Variants in COL5A1 observed in about 807,000 individuals in gnomAD.
COL5A1 encodes collagen alpha-1(V) chain.
A neutral mutation model predicts 263.7 loss-of-function variants in COL5A1; 16 were observed. The observed-to-expected ratio is 0.06, with a 90% confidence interval of 0.04 to 0.09. The LOEUF (loss-of-function observed/expected upper bound fraction) is 0.09. Ranked by LOEUF, COL5A1 falls within the 10% of genes least tolerant of loss-of-function variation. COL5A1 has a pLI of 1.00. For missense variants in COL5A1, 2,036 were observed against 2,540.5 expected (o/e 0.80, Z 4.27); for synonymous variants, 1,012 against 1,004.5 (o/e 1.01, Z -0.14).
At chr9:134,651,722 G>A (rs1189751196) in intron 1 of COL5A1, among the ~76,000 whole-genome samples, 2 of 152,220 alleles carry the variant, frequency 1.3e-5, no homozygotes, top group African/African-American at 4.8e-5. Context: ...TGCACAGTGG[G>A]TGGGTGCAGG....
rs968147154 is a variant in COL5A1, at chr9:134,765,050, A to T, written c.2035-631A>T. 2.6e-5 allele frequency among the ~76,000 whole-genome samples: 4 copies of T among 151,592 alleles called. No individual in the cohort carries two copies. ...TGGCAGGCAGTTCTCCCGGAATCTC[A>T]CTCCACCTGCGGTAAAGGGGAGGTT... On this transcript the variant is annotated intron_variant, in intron 20 of 65. Transcript: ENST00000371817. The surrounding 1 kb of genome is among the most constrained non-coding windows in gnomAD (Gnocchi z 5.1).
chr9:134,719,943 G>T (rs1324657296), intron 4 of COL5A1, among the ~76,000 whole-genome samples: 1 of 152,178 alleles, frequency 6.6e-6, no homozygotes, highest in Non-Finnish European at 1.5e-5. Context: ...CCTTGCGCTT[G>T]TGTGCCAGGG....
Position 134,821,194 on chromosome 9 carries a change from A to G in COL5A1, c.4555-903A>G, listed in dbSNP as rs917627527. 1.3e-5 allele frequency among the ~76,000 whole-genome samples: 2 copies of G among 151,840 alleles called. No individual in the cohort carries two copies. Among genetic ancestry groups the G allele is most frequent in the Non-Finnish European group, 2.9e-5 (2 of 67,952 alleles). On this transcript the variant is annotated intron_variant, in intron 58 of 65. Transcript: ENST00000371817. This position sits in a 1 kb window ranked among gnomAD's most constrained non-coding sequence, Gnocchi z 4.2. ...GGCCCGGCAACCACGAGAATTAGAG[A>G]GGCATCCAGGGTCCCCACGGCCAGC...
intron 18 of COL5A1, among the ~76,000 whole-genome samples, chr9:134,761,025 C>A (rs554184474): frequency 2.0e-5 from 3 of 150,598 alleles, no homozygotes; most frequent in Admixed American, 6.6e-5. Flanking sequence ...CACGCATACA[C>A]ACGTGCACAG....
intron 11 of COL5A1, among the ~76,000 whole-genome samples, chr9:134,743,878 A>G (rs1269069892): frequency 6.6e-6 from 1 of 152,164 alleles, no homozygotes; most frequent in Non-Finnish European, 1.5e-5. Context: ...GAAAAACAGC[A>G]GTCACTACCT....
chr9:134,706,139 A>T (rs1369287208), intron 4 of COL5A1, among the ~76,000 whole-genome samples: 1 of 152,166 alleles, frequency 6.6e-6, no homozygotes, highest in African/African-American at 2.4e-5. Context: ...GCCTGTTCCC[A>T]GGGCGAGTAT....
intron 4 of COL5A1, among the ~76,000 whole-genome samples, chr9:134,701,796 C>T (rs1833685598): frequency 6.6e-6 from 1 of 152,228 alleles, no homozygotes; most frequent in Non-Finnish European, 1.5e-5. Flanking sequence ...CTCGGGCTGG[C>T]CTCACTCCAG....
intron 1 of COL5A1, among the ~76,000 whole-genome samples, chr9:134,687,811 GT>G (rs1833131577): frequency 1.3e-5 from 2 of 152,184 alleles, no homozygotes; most frequent in Non-Finnish European, 2.9e-5. Flanking sequence ...AGGGGCTCTT[GT>G]TTGTTGAGCC....
At chr9:134,774,140 G>C (rs1335770997) in intron 26 of COL5A1, among the ~76,000 whole-genome samples, 1 of 152,242 alleles carries the variant, frequency 6.6e-6, no homozygotes, top group South Asian at 2.1e-4. Flanking sequence ...CTTACTCCCT[G>C]GGACTTCCTG....
At chr9:134,762,116 G>T in intron 19 of COL5A1, 138 bp downstream of exon 19, 1 of 857,530 alleles carries the variant, frequency 1.2e-6, no homozygotes, top group South Asian at 1.4e-5. Context: ...AAGGCAGATG[G>T]GGATTCCAGT....
intron 25 of COL5A1, among the ~76,000 whole-genome samples, chr9:134,769,476 A>G (rs1282019358): frequency 6.6e-6 from 1 of 152,256 alleles, no homozygotes; most frequent in Admixed American, 6.5e-5. Flanking sequence ...TCTAATGATC[A>G]GAACAGCACA....
chr9:134,814,327 C>A (rs544156843), intron 49 of COL5A1, among the ~76,000 whole-genome samples: 1 of 152,188 alleles, frequency 6.6e-6, no homozygotes. Flanking sequence ...TCACCTCGTC[C>A]CCCCGGACCT....
rs947126701 is a variant in COL5A1, at chr9:134,647,826, C to G, written c.109+5530C>G. ...TTGACTCGTCTGCTCTCTCTCAGTG[C>G]TTTGCCAAGTGTCGGTTTTAAAGTT... On this transcript the variant is annotated intron_variant, in intron 1 of 65. Transcript: ENST00000371817. The surrounding 1 kb of genome is among the most constrained non-coding windows in gnomAD (Gnocchi z 5.0). Among the ~76,000 whole-genome samples the G allele has an allele frequency of 6.6e-6, 1 of 152,216 alleles. No homozygotes were observed. The highest frequency in any genetic ancestry group is 2.4e-5 in the African/African-American group (1 of 41,458).
At chr9:134,649,464 A>G (rs373652363) in intron 1 of COL5A1, 65 of 470,020 alleles carry the variant, frequency 1.4e-4, no homozygotes, top group African/African-American at 1.0e-3. Context: ...TGCCCATGAA[A>G]TGGAAGCTTC....
At chr9:134,829,824 C>A in intron 63 of COL5A1, 152 bp from the exon 64 acceptor site, 1 of 820,498 alleles carries the variant, frequency 1.2e-6, no homozygotes, top group Non-Finnish European at 2.0e-6. Flanking sequence ...TCAGGCTGCA[C>A]TGAAGGCGCT....
chr9:134,717,372 C>A (rs575972861), intron 4 of COL5A1, among the ~76,000 whole-genome samples: 3 of 152,336 alleles, frequency 2.0e-5, no homozygotes, highest in Admixed American at 2.0e-4. Context: ...CTCCACCCTC[C>A]CAGCAGCCTC....
At chr9:134,769,352 C>T (rs887371625) in intron 25 of COL5A1, among the ~76,000 whole-genome samples, 7 of 152,206 alleles carry the variant, frequency 4.6e-5, no homozygotes, top group Admixed American at 2.0e-4. Context: ...CATCCCCACG[C>T]GCGCAGCTGT....
intron 1 of COL5A1, among the ~76,000 whole-genome samples, chr9:134,644,736 C>G (rs1404635322): frequency 6.6e-6 from 1 of 152,264 alleles, no homozygotes; most frequent in East Asian, 1.9e-4. Flanking sequence ...GCATTTGGGG[C>G]TGCTGAACAG....
intron 53 of COL5A1, 89 bp from the exon 54 acceptor site, chr9:134,817,689 A>G: frequency 1.7e-6 from 2 of 1,203,642 alleles, no homozygotes; most frequent in Non-Finnish European, 2.4e-6. Context: ...CAGGCCACAC[A>G]CACACACACC....
Sources: allele counts gnomAD v4.1 joint callset (sites outside exome capture counted in the v4.1 genomes callset), GRCh38; gene constraint gnomAD v4.1.1; non-coding constraint Gnocchi (gnomAD v3.1); transcripts MANE v1.5; gene names NCBI Gene and HGNC (gene_info 2026-07-23, HGNC 2026-07-21).